The following ST3GAL3 variants were observed in gnomAD, a reference collection of about 807,000 sequenced individuals.
The protein encoded by ST3GAL3 is ST3 beta-galactoside alpha-2,3-sialyltransferase 3.
In ST3GAL3, 21 loss-of-function variants were observed where a neutral mutation model predicts 50.1. The observed-to-expected ratio is 0.42, with a 90% CI of 0.30 to 0.60. ST3GAL3 has a LOEUF of 0.60. Ranked by LOEUF, ST3GAL3 falls within the 20% of genes least tolerant of loss-of-function variation. The pLI is 0.19. For synonymous variants in ST3GAL3, 183 were observed against 190.0 expected, an observed-to-expected ratio of 0.96 and a Z score of 0.30; for missense variants, 353 against 489.4, an observed-to-expected ratio of 0.72 and a Z score of 2.63.
intron 5 of ST3GAL3, chr1:43,851,513 C>T (rs2067297968): frequency 1.3e-6 from 2 of 1,598,380 alleles, no homozygotes; most frequent in African/African-American, 1.3e-5. Flanking sequence ...CCGGGTACCC[C>T]TCAGAGTATT....
At chr1:43,765,544 C>G (rs1440762521) in intron 2 of ST3GAL3, among the ~76,000 whole-genome samples, 3 of 151,996 alleles carry the variant, frequency 2.0e-5, no homozygotes, top group Non-Finnish European at 4.4e-5. Context: ...GTTTTAGGTT[C>G]CCCACACTTA....
Position 43,814,781 on chromosome 1 carries a change from G to A in ST3GAL3, c.167-110G>A, listed in dbSNP as rs1447944607. On this transcript the variant is annotated intron_variant, in intron 3 of 11. Coordinates refer to ENST00000347631, the MANE Select transcript of ST3GAL3 (RefSeq NM_006279.5). ...TTACGTTCTTTGAAGCAGTTGAATT[G>A]TGTTCTTTTCCAAGGGTGGTCTGTC... 4.1e-6 allele frequency: 4 copies of A among 987,158 alleles called. No individual in the cohort carries two copies. The African/African-American group carries it at 4.8e-5, about 12-fold the overall frequency. 61.1% of individuals were successfully genotyped at this position (987,158 alleles called of 1,614,324 possible). A position where few individuals can be genotyped will look rare whatever the true frequency, so the allele number is the denominator to read the frequency against.
In ST3GAL3 at chr1:43,899,455, C is replaced by G. The variant is rs2077906965; in HGVS notation, c.558-86C>G. On this transcript the variant is annotated intron_variant, in intron 8 of 11. Transcript: ENST00000347631. This position sits in a 1 kb window ranked among gnomAD's most constrained non-coding sequence, Gnocchi z 5.4. ...AGAATAGGTCCAGGTGACCTGGACT[C>G]CCTATTCTCCATGCCTGGGATAGTC... is the stretch of plus-strand genomic sequence containing the variant. 6.9e-6 allele frequency: 11 copies of G among 1,584,092 alleles called. No homozygotes were observed. The highest frequency in any genetic ancestry group is 9.5e-6 in the Non-Finnish European group (11 of 1,162,716).
intron 5 of ST3GAL3, among the ~76,000 whole-genome samples, chr1:43,875,293 G>T (rs72888743): frequency 0.013 from 1,995 of 152,234 alleles, 50 homozygotes; most frequent in African/African-American, 0.046. Flanking sequence ...CAGGGAGTGA[G>T]CTTGAGACTG....
chr1:43,908,807 T>G (rs2080272537), intron 9 of ST3GAL3, among the ~76,000 whole-genome samples: 1 of 152,128 alleles, frequency 6.6e-6, no homozygotes, highest in South Asian at 2.1e-4. Context: ...AATTTTTATA[T>G]TTTTAGTAGA....
At chr1:43,826,417 A>T (rs1432932352) in intron 4 of ST3GAL3, among the ~76,000 whole-genome samples, 2 of 152,242 alleles carry the variant, frequency 1.3e-5, no homozygotes, top group East Asian at 3.8e-4. Flanking sequence ...TCTACTAAAG[A>T]AATTAAATCA....
chr1:43,879,742 A>G (rs2074773458), intron 5 of ST3GAL3, among the ~76,000 whole-genome samples: 1 of 152,188 alleles, frequency 6.6e-6, no homozygotes. Flanking sequence ...GATCAACTAC[A>G]TTAGCTTGGC....
In ST3GAL3 at chr1:43,886,787, G is replaced by T. The variant is rs560492460; in HGVS notation, c.303-7596G>T. On this transcript the variant is annotated intron_variant, in intron 5 of 11. Coordinates refer to ENST00000347631, the MANE Select transcript of ST3GAL3 (RefSeq NM_006279.5). The stretch of plus-strand genomic sequence containing the variant: ...TCTTCCTAGAACTTTTGCCATGAAA[G>T]GATGAAAGAGAGGCTGGTAGCTAAA... Among the ~76,000 whole-genome samples the T allele has an allele frequency of 5.9e-5, 9 of 152,300 alleles. No homozygotes were observed. The East Asian group carries it at 1.7e-3, about 29-fold the overall frequency.
intron 1 of ST3GAL3, among the ~76,000 whole-genome samples, chr1:43,729,110 G>A (rs778930751): frequency 3.8e-5 from 4 of 106,110 alleles, no homozygotes; most frequent in Non-Finnish European, 7.9e-5. Flanking sequence ...TTTTTTTTGA[G>A]ACAGATTCTC....
chr1:43,851,049 T>C, intron 5 of ST3GAL3: 1 of 848,446 alleles, frequency 1.2e-6, no homozygotes, highest in East Asian at 2.4e-5. Context: ...TGCTGATATG[T>C]GCCATGTCCA....
intron 3 of ST3GAL3, chr1:43,799,760 T>C (rs1360832274): frequency 6.6e-6 from 1 of 152,146 alleles, no homozygotes; most frequent in Non-Finnish European, 1.5e-5. Flanking sequence ...CTCCATGAAG[T>C]TTAAGATACA....
At position 43,930,528 on chromosome 1, in the gene ST3GAL3, GTGTT is replaced by G. The variant is rs1276986731; in HGVS notation, c.*310_*313del. 3 of 500,216 alleles carry G rather than the reference GTGTT, an allele frequency of 6.0e-6. No homozygotes were observed. The highest frequency in any genetic ancestry group is 2.1e-5 in the South Asian group (1 of 47,736). 31.0% of individuals were successfully genotyped at this position (500,216 alleles called of 1,614,324 possible). ...GCTGCCGGAATCACTTCTCCAATCAGTGTTTGGTGTATTATCATTTTGTGAATTT... is the reference window on the plus strand; with the variant it reads ...GCTGCCGGAATCACTTCTCCAATCAGTGGTGTATTATCATTTTGTGAATTT... On this transcript the variant is annotated 3_prime_UTR_variant, in exon 12 of 12. Coordinates refer to ENST00000347631, the MANE Select transcript of ST3GAL3 (RefSeq NM_006279.5).
At chr1:43,764,290 A>T (rs1691684638) in intron 2 of ST3GAL3, among the ~76,000 whole-genome samples, 1 of 152,162 alleles carries the variant, frequency 6.6e-6, no homozygotes, top group African/African-American at 2.4e-5. Flanking sequence ...CAGTCTTTTA[A>T]TAGTATAGTA....
At chr1:43,754,930 A>T (rs1342372325) in intron 2 of ST3GAL3, among the ~76,000 whole-genome samples, 1 of 152,084 alleles carries the variant, frequency 6.6e-6, no homozygotes, top group African/African-American at 2.4e-5. Flanking sequence ...TGTCTCAAAA[A>T]AAAAAACATA....
chr1:43,804,871 T>C (rs1484954334), intron 3 of ST3GAL3, among the ~76,000 whole-genome samples: 1 of 152,164 alleles, frequency 6.6e-6, no homozygotes, highest in African/African-American at 2.4e-5. Flanking sequence ...CCACCAGCAC[T>C]GCCCCCTCAC....
At chr1:43,730,473 G>A (rs1301302732) in intron 1 of ST3GAL3, among the ~76,000 whole-genome samples, 1 of 151,910 alleles carries the variant, frequency 6.6e-6, no homozygotes, top group African/African-American at 2.4e-5. Context: ...GTTGTTCTCA[G>A]TGGGAAGTTT....
At chr1:43,837,323 A>G (rs1446036419) in intron 4 of ST3GAL3, among the ~76,000 whole-genome samples, 1 of 142,264 alleles carries the variant, frequency 7.0e-6, no homozygotes, top group East Asian at 2.1e-4. Flanking sequence ...CCAGATGAAG[A>G]AGGACAAGGA....
At chr1:43,881,494 G>A (rs1029781595) in intron 5 of ST3GAL3, among the ~76,000 whole-genome samples, 1 of 152,240 alleles carries the variant, frequency 6.6e-6, no homozygotes, top group African/African-American at 2.4e-5. Context: ...AGGGGCGCCT[G>A]CCTGACATGG....
chr1:43,919,421 CCCGTGGTTTGGCAGTG>C (rs1429134506), intron 9 of ST3GAL3: 2 of 152,268 alleles, frequency 1.3e-5, no homozygotes, highest in African/African-American at 4.8e-5. Context: ...TCGGTTGGAG[CCCGTGGTTTGGCAGTG>C]CCGCCAGTCT....
Sources: allele counts gnomAD v4.1 joint callset (sites outside exome capture counted in the v4.1 genomes callset), GRCh38; gene constraint gnomAD v4.1.1; non-coding constraint Gnocchi (gnomAD v3.1); transcripts MANE v1.5; gene names NCBI Gene and HGNC (gene_info 2026-07-23, HGNC 2026-07-21).